FCRL5: variants seen among roughly 807,000 people sequenced by gnomAD.
The protein encoded by FCRL5 is Fc receptor-like protein 5.
In FCRL5, 79 loss-of-function variants were observed where a neutral mutation model predicts 92.1. The observed-to-expected ratio is 0.86, with a 90% CI of 0.72 to 1.03. The LOEUF (loss-of-function observed/expected upper bound fraction) is 1.03. Ranked by LOEUF, FCRL5 falls within the 50% of genes least tolerant of loss-of-function variation. The pLI is 0.00. For synonymous variants in FCRL5, 466 were observed against 469.3 expected, an observed-to-expected ratio of 0.99 and a Z score of 0.09; for missense variants, 1,160 against 1,181.1, an observed-to-expected ratio of 0.98 and a Z score of 0.26.
chr1:157,543,925 C>T (rs1651392114), intron 5 of FCRL5, among the ~76,000 whole-genome samples: 1 of 151,992 alleles, frequency 6.6e-6, no homozygotes. Flanking sequence ...TACCTCTGTA[C>T]ACCAGAGTCA....
chr1:157,542,079 G>C (rs1397504580), intron 6 of FCRL5: 2 of 152,280 alleles, frequency 1.3e-5, no homozygotes, highest in African/African-American at 4.8e-5. Context: ...TGTTTTACAG[G>C]AAAGGAAACT....
Position 157,534,421 on chromosome 1 carries a change from G to T in FCRL5, c.1681+193C>A, listed in dbSNP as rs893706286. On this transcript the variant is annotated intron_variant, in intron 8 of 16. Coordinates refer to ENST00000361835, the MANE Select transcript of FCRL5 (RefSeq NM_031281.3). ...TTTGGTAAAAGCTGGGGAATCTACT[G>T]AGCTGTTTTAGGGGTCTGGCTGAGC... The T allele has an allele frequency of 8.6e-5, 62 of 722,986 alleles. No homozygotes were observed. In the African/African-American group the frequency reaches 1.1e-3, roughly 12 times the overall value. The allele number at this position is 722,986 out of a possible 1,614,324, so 44.8% of individuals were successfully genotyped here.
chr1:157,547,361 C>T (rs1270752019), intron 2 of FCRL5, 164 bp from the exon 3 acceptor site: 6 of 915,212 alleles, frequency 6.6e-6, no homozygotes, highest in Middle Eastern at 2.1e-4. Context: ...GTGGCCCTCA[C>T]CTCACCCAAG....
chr1:157,525,107 A>G (rs1371232511), intron 9 of FCRL5, among the ~76,000 whole-genome samples: 1 of 152,260 alleles, frequency 6.6e-6, no homozygotes, highest in Non-Finnish European at 1.5e-5. Flanking sequence ...GTGATGAGAA[A>G]GACATAGTTA....
In FCRL5 at chr1:157,549,578, G is replaced by C. The variant is rs1291826787; in HGVS notation, c.34C>G (p.Pro12Ala). Residue 12 changes from proline to alanine, a missense_variant and splice_region_variant, in exon 2 of 17, where the codon CCT becomes GCT. Transcript: ENST00000361835. ...AACTCACCAAACTGTCCACTGACAG[G>C]AGCTGCAAAAAAATAAGAGCCAGAG... ...LLWVILLVLAPVSGQFARTPR... is the reference protein window; with the variant it reads ...LLWVILLVLAAVSGQFARTPR... 1.9e-6 allele frequency: 3 copies of C among 1,611,458 alleles called. No individual in the cohort carries two copies. Among genetic ancestry groups the C allele is most frequent in the Non-Finnish European group, 2.5e-6 (3 of 1,179,050 alleles).
chr1:157,547,796 G>A (rs1229783319), intron 2 of FCRL5, among the ~76,000 whole-genome samples: 3 of 152,178 alleles, frequency 2.0e-5, no homozygotes, highest in African/African-American at 7.2e-5. Flanking sequence ...CAAGGAGAGG[G>A]GTTGTAGAGG....
At chr1:157,535,850 G>T (rs1171548371) in intron 7 of FCRL5, among the ~76,000 whole-genome samples, 1 of 151,938 alleles carries the variant, frequency 6.6e-6, no homozygotes, top group Non-Finnish European at 1.5e-5. Flanking sequence ...GCTAGTAAGT[G>T]AAGAGGCAGC....
At chr1:157,533,243 C>T (rs926370973) in intron 8 of FCRL5, 4 of 152,106 alleles carry the variant, frequency 2.6e-5, no homozygotes, top group Admixed American at 6.6e-5. Flanking sequence ...TTTTACTCTT[C>T]GGTTCAATTT....
rs753530100 is a variant in FCRL5 at position 157,520,469 on chromosome 1, C to T, written c.2594G>A (p.Gly865Glu). Residue 865 changes from glycine (G) to glutamate (E), a missense_variant, in exon 12 of 17, where the codon GGG becomes GAG. Coordinates refer to ENST00000361835, the MANE Select transcript of FCRL5 (RefSeq NM_031281.3). ...GLLSIAGLAAGALLLYCWLSR... is the reference protein window; with the variant it reads ...GLLSIAGLAAEALLLYCWLSR... The stretch of plus-strand genomic sequence containing the variant: ...GAGCCAGCAGTAGAGCAGCAGTGCC[C>T]CCGCAGCAAGGCCTGCTATGCTGAG... 1.9e-6 allele frequency: 3 copies of T among 1,574,070 alleles called. No individual in the cohort carries two copies. In the South Asian group the frequency reaches 3.5e-5, roughly 18 times the overall value.
Position 157,515,406 on chromosome 1 carries a change from C to T in FCRL5, c.*269G>A, listed in dbSNP as rs1571068226. The T allele has an allele frequency of 7.4e-6, 4 of 539,528 alleles. No homozygotes were observed. The East Asian group carries it at 1.1e-4, about 14-fold the overall frequency. The allele number at this position is 539,528 out of a possible 1,614,324, so 33.4% of individuals were successfully genotyped here. A position where few individuals can be genotyped will look rare whatever the true frequency, so the allele number is the denominator to read the frequency against. Reference sequence around the variant, plus strand: ...GAACAGCAACCACAGCTGAAGCCCACTAAGGAATCCAGGAGATGTGCTGGG... The same window carrying T: ...GAACAGCAACCACAGCTGAAGCCCATTAAGGAATCCAGGAGATGTGCTGGG... On this transcript the variant is annotated 3_prime_UTR_variant, in exon 17 of 17. Coordinates refer to ENST00000361835, the MANE Select transcript of FCRL5 (RefSeq NM_031281.3).
chr1:157,536,275 C>A (rs1471724973), intron 7 of FCRL5, among the ~76,000 whole-genome samples: 1 of 152,136 alleles, frequency 6.6e-6, no homozygotes, highest in South Asian at 2.1e-4. Flanking sequence ...CATCTCTTAG[C>A]TTTGCCTTAT....
chr1:157,523,162 A>G (rs1418713814), intron 10 of FCRL5, among the ~76,000 whole-genome samples: 1 of 152,192 alleles, frequency 6.6e-6, no homozygotes. Flanking sequence ...TCCTTATGAT[A>G]CCCAGGCACC....
intron 9 of FCRL5, among the ~76,000 whole-genome samples, chr1:157,527,176 G>A (rs2101609419): frequency 6.6e-6 from 1 of 152,290 alleles, no homozygotes; most frequent in South Asian, 2.1e-4. Context: ...ACCCACTCTG[G>A]GACAGGGGCA....
At chr1:157,534,999 C>G in intron 7 of FCRL5, 107 bp from the exon 8 acceptor site, 1 of 1,086,850 alleles carries the variant, frequency 9.2e-7, no homozygotes, top group South Asian at 2.1e-5. Flanking sequence ...CTCTAGACTT[C>G]ACCTACCTGG....
chr1:157,519,739 T>C lies in FCRL5; in HGVS notation c.2660+4A>G, dbSNP rs1465039357. On this transcript the variant is annotated splice_donor_region_variant and intron_variant, in intron 13 of 16. Coordinates refer to ENST00000361835, the MANE Select transcript of FCRL5 (RefSeq NM_031281.3). ...ATCACACAGGAATGCAGCTCAGCTC[T>C]TACCTGGCGGGGTCAGAGGCAGGCT... 4 of 1,613,924 alleles carry C rather than the reference T, an allele frequency of 2.5e-6. No homozygotes were observed. The highest frequency in any genetic ancestry group is 3.4e-6 in the Non-Finnish European group (4 of 1,179,862).
At chr1:157,516,207 A>C (rs1355431834) in intron 15 of FCRL5, 1 of 422,652 alleles carries the variant, frequency 2.4e-6, no homozygotes, top group Non-Finnish European at 4.4e-6. Context: ...TGGTGGGTGC[A>C]AGTTTTAGAG....
At position 157,513,538 on chromosome 1, in the gene FCRL5, T is replaced by C. The variant is rs1231884027; in HGVS notation, c.*2137A>G. ...CTCAAGACCCAAGAAGAGCCATTTTTCAGTTTGCGTCTGAAAGCAGAAAAA... is the reference window on the plus strand; with the variant it reads ...CTCAAGACCCAAGAAGAGCCATTTTCCAGTTTGCGTCTGAAAGCAGAAAAA... On this transcript the variant is annotated 3_prime_UTR_variant, in exon 17 of 17. Transcript: ENST00000361835. The C allele has an allele frequency of 6.6e-6, 1 of 152,232 alleles. No individual in the cohort carries two copies. The allele number at this position is 152,232 out of a possible 1,614,324, so 9.4% of individuals were successfully genotyped here.
At chr1:157,520,896 C>T (rs1449739213) in intron 11 of FCRL5, 121 bp downstream of exon 11, 13 of 1,171,182 alleles carry the variant, frequency 1.1e-5, no homozygotes, top group Non-Finnish European at 1.4e-5. Flanking sequence ...GTTTAGAGAG[C>T]TGCCAGCTGT....
chr1:157,534,347 A>G, intron 8 of FCRL5: 1 of 711,876 alleles, frequency 1.4e-6, no homozygotes. Flanking sequence ...AAATTGGCGT[A>G]CTGTTGGAAC....
Sources: allele counts gnomAD v4.1 joint callset (sites outside exome capture counted in the v4.1 genomes callset), GRCh38; gene constraint gnomAD v4.1.1; transcripts MANE v1.5; gene names NCBI Gene and HGNC (gene_info 2026-07-23, HGNC 2026-07-21).